NRG1: variants seen among roughly 807,000 people sequenced by gnomAD.
NRG1 encodes pro-neuregulin-1, membrane-bound isoform.
Under a neutral mutation model 63.8 loss-of-function variants are expected in NRG1, and 18 were observed. The ratio of observed to expected loss-of-function variants is 0.28; its 90% CI spans 0.19 to 0.42. The LOEUF is 0.42. NRG1 is among the 10% of genes least tolerant of loss of function. NRG1 has a pLI of 1.00. For synonymous variants in NRG1, 302 were observed against 301.3 expected (o/e 1.00, Z -0.02); for missense variants, 762 against 814.7 (o/e 0.94, Z 0.79).
At chr8:32,176,479 G>A (rs1278280156) in intron 1 of NRG1, among the ~76,000 whole-genome samples, 6 of 152,090 alleles carry the variant, frequency 3.9e-5, no homozygotes, top group Non-Finnish European at 5.9e-5. Flanking sequence ...TGACAAATGC[G>A]ATCTAATTAA....
intron 6 of NRG1, chr8:32,728,617 A>G (rs903252468): frequency 2.0e-6 from 2 of 984,030 alleles, no homozygotes; most frequent in African/African-American, 3.5e-5. Context: ...TATTGCTAGT[A>G]AAAAAAGAGA....
chr8:32,591,726 A>T (rs1288502065), intron 1 of NRG1, among the ~76,000 whole-genome samples: 1 of 152,184 alleles, frequency 6.6e-6, no homozygotes, highest in African/African-American at 2.4e-5. Flanking sequence ...TTCTTTCATG[A>T]ATGCAAATTA....
chr8:32,316,801 A>T (rs7009371), intron 1 of NRG1, among the ~76,000 whole-genome samples: 2 of 131,892 alleles, frequency 1.5e-5, no homozygotes, highest in South Asian at 2.5e-4. Flanking sequence ...TCAGCTCCAA[A>T]AAAATAAAAT....
intron 5 of NRG1, among the ~76,000 whole-genome samples, chr8:32,722,282 A>T (rs1820861289): frequency 6.6e-6 from 1 of 152,198 alleles, no homozygotes. Context: ...ATTCCTGCTA[A>T]TTGTCAAAGA....
In NRG1 at chr8:32,307,317, C is replaced by A. The variant is rs543140681; in HGVS notation, c.38-288511C>A. 3.5e-3 allele frequency among the ~76,000 whole-genome samples: 528 copies of A among 152,240 alleles called. 2 individuals are homozygous for A. Among genetic ancestry groups the A allele is most frequent in the Admixed American group, 5.8e-3 (88 of 15,288 alleles). On this transcript the variant is annotated intron_variant, in intron 1 of 10. Coordinates refer to the NRG1 transcript ENST00000519301. The stretch of plus-strand genomic sequence containing the variant: ...AATTAGACATGGGAAAAGGGTGGTT[C>A]TCCTGAAAATCTGGGGCCTCAGGCA...
At chr8:31,711,523 T>C (rs1431120125) in intron 1 of NRG1, among the ~76,000 whole-genome samples, 1 of 152,246 alleles carries the variant, frequency 6.6e-6, no homozygotes, top group Non-Finnish European at 1.5e-5. Context: ...GTCTGGGTTG[T>C]CTACACTGGG....
intron 1 of NRG1, among the ~76,000 whole-genome samples, chr8:31,953,771 A>T (rs1326610059): frequency 6.6e-6 from 1 of 152,192 alleles, no homozygotes; most frequent in Admixed American, 6.5e-5. Flanking sequence ...TATTCCTGGC[A>T]TGGTGCTAAG....
intron 1 of NRG1, among the ~76,000 whole-genome samples, chr8:31,986,223 G>A (rs1810042094): frequency 1.3e-5 from 2 of 151,984 alleles, no homozygotes; most frequent in Admixed American, 1.3e-4. Flanking sequence ...GTTGTAAGGG[G>A]TGGTGTGACT....
At chr8:31,924,755 C>CAGCTACTTTCCCTAGG in intron 1 of NRG1, among the ~76,000 whole-genome samples, 1 of 151,512 alleles carries the variant, frequency 6.6e-6, no homozygotes, top group African/African-American at 2.4e-5. Flanking sequence ...GTAAGTTTCT[C>CAGCTACTTTCCCTAGG]TTTAATGAGT....
At chr8:32,518,216 A>T (rs1029188423) in intron 1 of NRG1, among the ~76,000 whole-genome samples, 5 of 152,294 alleles carry the variant, frequency 3.3e-5, no homozygotes, top group African/African-American at 1.2e-4. Context: ...CAAAGAGCAT[A>T]CAGAGGCAGA....
At chr8:31,666,748 C>G (rs1806586554) in intron 1 of NRG1, among the ~76,000 whole-genome samples, 1 of 152,182 alleles carries the variant, frequency 6.6e-6, no homozygotes, top group Non-Finnish European at 1.5e-5. Flanking sequence ...AATGCTACAT[C>G]TCATGGTTTA....
At chr8:32,110,680 G>A (rs1212306297) in intron 1 of NRG1, among the ~76,000 whole-genome samples, 2 of 152,138 alleles carry the variant, frequency 1.3e-5, no homozygotes, top group Non-Finnish European at 2.9e-5. Context: ...AAGGTTGAAT[G>A]ATGTACTTGA....
rs191322991 is a variant in NRG1, at chr8:31,805,688, T to C, written c.37+166257T>C. ...CTAAAAATACAAAAAGTTAGCCAGG[T>C]GTGGTGGCGGGTGCCTGTAGTCCCA... On this transcript the variant is annotated intron_variant, in intron 1 of 10. Transcript: ENST00000519301. Among the ~76,000 whole-genome samples, 664 of 151,708 alleles carry C rather than the reference T, an allele frequency of 4.4e-3. 6 individuals carry two copies. Among genetic ancestry groups the C allele is most frequent in the African/African-American group, 0.015 (634 of 41,382 alleles).
chr8:31,926,093 A>G (rs535700749), intron 1 of NRG1, among the ~76,000 whole-genome samples: 3 of 152,294 alleles, frequency 2.0e-5, no homozygotes, highest in Admixed American at 6.5e-5. Flanking sequence ...TTCAGGAAGG[A>G]ATTTAAGTAC....
chr8:31,875,850 A>G (rs1377189497), intron 1 of NRG1, among the ~76,000 whole-genome samples: 1 of 152,162 alleles, frequency 6.6e-6, no homozygotes, highest in Non-Finnish European at 1.5e-5. Flanking sequence ...AGAGATAAGC[A>G]TGCATTTCTC....
intron 1 of NRG1, among the ~76,000 whole-genome samples, chr8:32,538,478 C>A (rs1832247811): frequency 6.6e-6 from 1 of 152,056 alleles, no homozygotes; most frequent in African/African-American, 2.4e-5. Context: ...GGAAATAAAG[C>A]ACAGAGTAGG....
intron 5 of NRG1, among the ~76,000 whole-genome samples, chr8:32,617,567 A>C (rs1460766864): frequency 6.6e-6 from 1 of 152,224 alleles, no homozygotes; most frequent in Non-Finnish European, 1.5e-5. Flanking sequence ...ATAAATTGAG[A>C]ATATCATCGT....
intron 1 of NRG1, among the ~76,000 whole-genome samples, chr8:32,369,263 T>A (rs909263899): frequency 6.6e-6 from 1 of 152,202 alleles, no homozygotes; most frequent in Non-Finnish European, 1.5e-5. Flanking sequence ...GAGAGCCGCT[T>A]CCTCTCTTCA....
In NRG1 at chr8:31,640,150, C is replaced by T. The variant is rs2130820913; in HGVS notation, c.37+719C>T. 2 of 1,174,282 alleles carry T rather than the reference C, an allele frequency of 1.7e-6. No individual in the cohort carries two copies. Among genetic ancestry groups the T allele is most frequent in the Non-Finnish European group, 2.1e-6 (2 of 951,096 alleles). 72.7% of individuals were successfully genotyped at this position (1,174,282 alleles called of 1,614,324 possible). A position where few individuals can be genotyped will look rare whatever the true frequency, so the allele number is the denominator to read the frequency against. On this transcript the variant is annotated intron_variant, in intron 1 of 10. Coordinates refer to the NRG1 transcript ENST00000519301. The surrounding 1 kb of genome is among the most constrained non-coding windows in gnomAD (Gnocchi z 6.3). ...GGCGGCGGCCGGCAACGAGGCGGCT[C>T]CCGCGGGGGCCTCGGTGTGCTACTC...
Sources: gnomAD v4.1 joint callset for allele counts (sites outside exome capture counted in the v4.1 genomes callset) on GRCh38, gnomAD v4.1.1 for gene constraint, Gnocchi (gnomAD v3.1) non-coding constraint, MANE v1.5 for transcripts, NCBI Gene and HGNC (gene_info 2026-07-23, HGNC 2026-07-21) for gene names.